The following FAM149A variants were observed in gnomAD, a reference collection of about 807,000 sequenced individuals.
FAM149A encodes the protein protein FAM149A.
FAM149A carries 71 observed loss-of-function variants against 78.2 expected under a neutral mutation model. The ratio of observed to expected loss-of-function variants is 0.91; its 90% CI spans 0.75 to 1.11. FAM149A has a LOEUF of 1.11. FAM149A is among the 50% of genes least tolerant of loss of function. FAM149A has a pLI of 0.00. For missense variants in FAM149A, 1,036 were observed against 971.0 expected (o/e 1.07, Z -0.89); for synonymous variants, 446 against 410.5 (o/e 1.09, Z -1.04).
chr4:186,107,201 C>T (rs1159587003), intron 1 of FAM149A, among the ~76,000 whole-genome samples: 1 of 152,188 alleles, frequency 6.6e-6, no homozygotes, highest in Non-Finnish European at 1.5e-5. Flanking sequence ...AAACTCTAGT[C>T]TTAGTGCTTT....
chr4:186,160,819 A>G lies in FAM149A; in HGVS notation c.1576-2026A>G, dbSNP rs368126726. The stretch of plus-strand genomic sequence containing the variant: ...ACACACACATCTCCCCACATGGGAG[A>G]CAGTCTAGCTGATAGCAGAGTGAAA... On this transcript the variant is annotated intron_variant, in intron 8 of 13. Transcript: ENST00000389354. The G allele has an allele frequency of 1.8e-3, 1,801 of 985,274 alleles. 30 individuals are homozygous for G. The African/African-American group carries it at 0.029, about 16-fold the overall frequency. 61.0% of individuals were successfully genotyped at this position (985,274 alleles called of 1,614,324 possible). A position where few individuals can be genotyped will look rare whatever the true frequency, so the allele number is the denominator to read the frequency against.
chr4:186,136,964 T>TCTCTTTCTCTCTCTCTCTC (rs2099323207), intron 1 of FAM149A, among the ~76,000 whole-genome samples: 1 of 97,042 alleles, frequency 1.0e-5, no homozygotes, highest in Non-Finnish European at 2.0e-5. Context: ...CTCTCTCTCT[T>TCTCTTTCTCTCTCTCTCTC]TCTCTCTCTC....
intron 1 of FAM149A, chr4:186,117,648 T>C (rs2099314298): frequency 1.0e-6 from 1 of 985,228 alleles, no homozygotes; most frequent in Non-Finnish European, 1.2e-6. Context: ...AGCACAGCTG[T>C]TGTGAAAAGC....
At chr4:186,169,301 C>T (rs1203816433) in intron 13 of FAM149A, 2 of 985,268 alleles carry the variant, frequency 2.0e-6, no homozygotes, top group African/African-American at 1.7e-5. Flanking sequence ...CCACCAAGGA[C>T]AACACAGCCA....
rs1455550313 is a variant in FAM149A at position 186,105,060 on chromosome 4, G to C, written c.-17G>C. 7.9e-7 allele frequency: 1 copy of C among 1,267,018 alleles called. No individual in the cohort carries two copies. The highest frequency in any genetic ancestry group is 1.0e-6 in the Non-Finnish European group (1 of 979,124). The allele number at this position is 1,267,018 out of a possible 1,614,324, so 78.5% of individuals were successfully genotyped here. A position where few individuals can be genotyped will look rare whatever the true frequency, so the allele number is the denominator to read the frequency against. Reference sequence around the variant, plus strand: ...ACTCTCGGGCGGCGGCGAGGACGGCGTGTCCACTGTCGAGGCATGAAGGCT... The same window carrying C: ...ACTCTCGGGCGGCGGCGAGGACGGCCTGTCCACTGTCGAGGCATGAAGGCT... On this transcript the variant is annotated 5_prime_UTR_variant, in exon 1 of 14. Transcript: ENST00000389354.
At position 186,171,976 on chromosome 4, in the gene FAM149A, G is replaced by A; in HGVS notation, c.2281G>A (p.Val761Met). The change falls in exon 14 of 14, where the codon GTG becomes ATG. Residue 761 changes from valine to methionine, a missense_variant. Physicochemically the swap from Val to Met is conservative, Grantham distance 21. This residue lies in a region of FAM149A where 716 missense variants were observed against 711.8 expected (regional missense o/e 1.01). Coordinates refer to ENST00000389354, the MANE Select transcript of FAM149A (RefSeq NM_001367768.3). Reference sequence around the variant, plus strand: ...TTTGACTTTCAAGAGGAGATTCCAAGTGACATCTTGAAACCACCTCACCAG... The same window carrying A: ...TTTGACTTTCAAGAGGAGATTCCAAATGACATCTTGAAACCACCTCACCAG... The A allele has an allele frequency of 6.2e-7, 1 of 1,612,218 alleles. No individual in the cohort carries two copies. Among genetic ancestry groups the A allele is most frequent in the Non-Finnish European group, 8.5e-7 (1 of 1,179,120 alleles).
chr4:186,123,324 G>C, intron 1 of FAM149A: 2 of 985,418 alleles, frequency 2.0e-6, no homozygotes, highest in African/African-American at 3.5e-5. Flanking sequence ...TCTAGTCATT[G>C]CAAGTTTTCT....
chr4:186,161,518 C>G lies in FAM149A; in HGVS notation c.1576-1327C>G, dbSNP rs76752736. 8.4e-3 allele frequency among the ~76,000 whole-genome samples: 1,277 copies of G among 152,146 alleles called. 21 individuals are homozygous for G. The highest frequency in any genetic ancestry group is 0.029 in the African/African-American group (1,205 of 41,492). On this transcript the variant is annotated intron_variant, in intron 8 of 13. Coordinates refer to ENST00000389354, the MANE Select transcript of FAM149A (RefSeq NM_001367768.3). ...TTTTGGTCTCTTTAAACTGCTCTGA[C>G]AAGTTCAATACAACATTTCCCACTT...
intron 8 of FAM149A, among the ~76,000 whole-genome samples, chr4:186,159,867 T>C (rs1485537496): frequency 8.4e-6 from 1 of 118,404 alleles, no homozygotes; most frequent in East Asian, 2.5e-4. Context: ...AGTCCTGAGC[T>C]ACACAGAATT....
At chr4:186,154,976 T>A in intron 6 of FAM149A, 1 of 981,980 alleles carries the variant, frequency 1.0e-6, no homozygotes, top group Non-Finnish European at 1.2e-6. Context: ...TCTTTTTTTT[T>A]TTTTGAGACG....
intron 1 of FAM149A, chr4:186,116,593 A>T: frequency 1.1e-6 from 1 of 874,602 alleles, no homozygotes; most frequent in Non-Finnish European, 1.3e-6. Context: ...TGTTATATTT[A>T]AATTTTTTTT....
intron 1 of FAM149A, among the ~76,000 whole-genome samples, chr4:186,136,648 AT>A (rs936364909): frequency 3.3e-4 from 50 of 152,284 alleles, no homozygotes; most frequent in African/African-American, 1.1e-3. Flanking sequence ...AAGTCTAAGT[AT>A]TTTTCATCCT....
intron 13 of FAM149A, chr4:186,170,950 T>A (rs1735474090): frequency 1.3e-5 from 2 of 152,250 alleles, no homozygotes; most frequent in African/African-American, 2.4e-5. Flanking sequence ...TTCCTCTAAG[T>A]CTTCATGGAG....
chr4:186,109,217 T>C (rs2099310215), intron 1 of FAM149A: 1 of 982,972 alleles, frequency 1.0e-6, no homozygotes, highest in African/African-American at 1.7e-5. Flanking sequence ...AGATAGATAA[T>C]TGCTGTGTAT....
intron 1 of FAM149A, chr4:186,146,375 C>T (rs1236319151): frequency 1.4e-6 from 1 of 693,416 alleles, no homozygotes; most frequent in Non-Finnish European, 1.8e-6. Context: ...CTTCCCATTT[C>T]CCCCTGCCCT....
chr4:186,107,034 T>C (rs747300469), intron 1 of FAM149A, among the ~76,000 whole-genome samples: 2 of 152,230 alleles, frequency 1.3e-5, no homozygotes, highest in Non-Finnish European at 2.9e-5. Context: ...TTATGACATA[T>C]GTTTATCAAC....
At chr4:186,143,145 T>A (rs1732650290) in intron 1 of FAM149A, among the ~76,000 whole-genome samples, 2 of 129,700 alleles carry the variant, frequency 1.5e-5, no homozygotes, top group African/African-American at 3.3e-5. Context: ...GTGTTCGATT[T>A]TTACTTTTTT....
intron 1 of FAM149A, chr4:186,125,291 C>G (rs1463799755): frequency 1.7e-5 from 17 of 985,274 alleles, no homozygotes; most frequent in Non-Finnish European, 2.0e-5. Flanking sequence ...TGCCAGCCAC[C>G]TGCTTCTCGA....
At chr4:186,106,873 CCGGG>C (rs1345587702) in intron 1 of FAM149A, among the ~76,000 whole-genome samples, 1 of 152,108 alleles carries the variant, frequency 6.6e-6, no homozygotes, top group East Asian at 1.9e-4. Flanking sequence ...TGGCGTGAAC[CCGGG>C]AGGCGGAGCT....
Sources: allele counts gnomAD v4.1 joint callset (sites outside exome capture counted in the v4.1 genomes callset), GRCh38; gene constraint gnomAD v4.1.1; regional missense constraint gnomAD v4.1.1; transcripts MANE v1.5; gene names NCBI Gene and HGNC (gene_info 2026-07-23, HGNC 2026-07-21).